The following BCL2 variants were observed in gnomAD, a reference collection of about 807,000 sequenced individuals.
BCL2 encodes the protein BCL2 apoptosis regulator, also known as apoptosis regulator Bcl-2.
Under a neutral mutation model 14.2 loss-of-function variants are expected in BCL2, and 1 was observed. The ratio of observed to expected loss-of-function variants is 0.07; its 90% CI spans 0.02 to 0.33. BCL2 has a LOEUF of 0.33. Ranked by LOEUF, BCL2 falls within the 10% of genes least tolerant of loss-of-function variation. The pLI is 0.99. For missense variants in BCL2, 247 were observed against 305.9 expected (o/e 0.81, Z 1.44); for synonymous variants, 151 against 137.2 (o/e 1.10, Z -0.70).
At chr18:63,298,565 G>C (rs2144279183) in intron 2 of BCL2, among the ~76,000 whole-genome samples, 1 of 152,284 alleles carries the variant, frequency 6.6e-6, no homozygotes, top group Middle Eastern at 3.4e-3. Flanking sequence ...ATGGCCAAGG[G>C]AACAAGGTAA....
chr18:63,274,781 C>T (rs2144245253), intron 2 of BCL2, among the ~76,000 whole-genome samples: 1 of 152,246 alleles, frequency 6.6e-6, no homozygotes, highest in East Asian at 1.9e-4. Flanking sequence ...AACCCACCTT[C>T]CCCCAAATGA....
At chr18:63,167,937 A>AG in intron 2 of BCL2, among the ~76,000 whole-genome samples, 1 of 151,476 alleles carries the variant, frequency 6.6e-6, no homozygotes, top group East Asian at 2.0e-4. Context: ...AAAAAAAAAA[A>AG]AAATAAATAA....
At chr18:63,279,495 G>T (rs900241166) in intron 2 of BCL2, among the ~76,000 whole-genome samples, 3 of 152,204 alleles carry the variant, frequency 2.0e-5, no homozygotes, top group Admixed American at 2.0e-4. Flanking sequence ...ATGCCAGAAT[G>T]GCTAAAATTA....
chr18:63,169,389 T>TTCTC (rs1218834455), intron 2 of BCL2, among the ~76,000 whole-genome samples: 34 of 40,740 alleles, frequency 8.3e-4, no homozygotes, highest in East Asian at 1.4e-3. Context: ...CTTTCTTTCT[T>TTCTC]TTTCTTTCTT....
At chr18:63,229,239 A>G (rs1299753840) in intron 2 of BCL2, among the ~76,000 whole-genome samples, 2 of 152,210 alleles carry the variant, frequency 1.3e-5, no homozygotes, top group Non-Finnish European at 2.9e-5. Context: ...AAAATAGAAG[A>G]AAATCATTTT....
chr18:63,157,839 A>G (rs748912652), intron 2 of BCL2, among the ~76,000 whole-genome samples: 1 of 152,212 alleles, frequency 6.6e-6, no homozygotes, highest in Non-Finnish European at 1.5e-5. Context: ...TTGACAGAGA[A>G]ACAAATACCG....
Position 63,171,266 on chromosome 18 carries a change from T to C in BCL2, c.586-42507A>G, listed in dbSNP as rs116678928. 2.3e-3 allele frequency among the ~76,000 whole-genome samples: 346 copies of C among 152,344 alleles called. 2 individuals are homozygous for C. The highest frequency in any genetic ancestry group is 0.017 in the Middle Eastern group (5 of 294). On this transcript the variant is annotated intron_variant, in intron 2 of 2. Coordinates refer to ENST00000333681, the MANE Select transcript of BCL2 (RefSeq NM_000633.3). The stretch of plus-strand genomic sequence containing the variant: ...AGAAAAAAAACAAAAACCAACACCT[T>C]AATTTCTAAGATCTGGCCTTTTAAC...
At chr18:63,254,229 A>G (rs956976483) in intron 2 of BCL2, among the ~76,000 whole-genome samples, 3 of 151,948 alleles carry the variant, frequency 2.0e-5, no homozygotes, top group African/African-American at 7.3e-5. Flanking sequence ...ACTGGACAAA[A>G]CCAAAAATGT....
At chr18:63,269,334 C>A (rs1162978323) in intron 2 of BCL2, among the ~76,000 whole-genome samples, 2 of 151,908 alleles carry the variant, frequency 1.3e-5, no homozygotes, top group East Asian at 3.8e-4. Flanking sequence ...AAGAAATGGG[C>A]AATTTATTTT....
chr18:63,157,720 A>T (rs752426896), intron 2 of BCL2, among the ~76,000 whole-genome samples: 9 of 152,174 alleles, frequency 5.9e-5, no homozygotes, highest in African/African-American at 9.7e-5. Context: ...TGAGAAGCAG[A>T]CCTTCCTCCT....
At chr18:63,132,115 A>AG (rs999746069) in intron 2 of BCL2, among the ~76,000 whole-genome samples, 3 of 152,224 alleles carry the variant, frequency 2.0e-5, no homozygotes, top group African/African-American at 7.2e-5. Flanking sequence ...TTGCCATCCC[A>AG]GGGGGCTGAG....
chr18:63,181,367 G>A (rs999085522), intron 2 of BCL2, among the ~76,000 whole-genome samples: 4 of 152,178 alleles, frequency 2.6e-5, no homozygotes, highest in Non-Finnish European at 4.4e-5. Context: ...GCCCTGGAAG[G>A]CAGTAAAGCT....
At chr18:63,242,635 T>A (rs1911040045) in intron 2 of BCL2, among the ~76,000 whole-genome samples, 1 of 152,136 alleles carries the variant, frequency 6.6e-6, no homozygotes, top group African/African-American at 2.4e-5. Context: ...TCTCTCCTCA[T>A]TAAAACATCC....
chr18:63,267,878 C>G (rs952583411), intron 2 of BCL2, among the ~76,000 whole-genome samples: 1 of 152,130 alleles, frequency 6.6e-6, no homozygotes, highest in Non-Finnish European at 1.5e-5. Context: ...TCTTCCTTCC[C>G]TTTCCTTCTC....
chr18:63,270,023 C>T lies in BCL2; in HGVS notation c.585+48059G>A, dbSNP rs374564102. ...AATTTATCTTTTTTCCTTTAAAGTG[C>T]TCATTATACTCAACATCACTCAAAA... On this transcript the variant is annotated intron_variant, in intron 2 of 2. Coordinates refer to ENST00000333681, the MANE Select transcript of BCL2 (RefSeq NM_000633.3). Among the ~76,000 whole-genome samples, 156 of 152,110 alleles carry T rather than the reference C, an allele frequency of 1.0e-3. 3 individuals are homozygous for T. In the South Asian group the frequency reaches 0.03, roughly 30 times the overall value.
chr18:63,170,749 T>C (rs1168878241), intron 2 of BCL2, among the ~76,000 whole-genome samples: 1 of 152,238 alleles, frequency 6.6e-6, no homozygotes, highest in African/African-American at 2.4e-5. Context: ...CGTACTTCTA[T>C]TTTGCACATA....
intron 2 of BCL2, among the ~76,000 whole-genome samples, chr18:63,189,869 T>A (rs1443391901): frequency 6.6e-6 from 1 of 152,216 alleles, no homozygotes; most frequent in African/African-American, 2.4e-5. Flanking sequence ...TTAGAAGAGA[T>A]AAATATGTGT....
chr18:63,186,967 GTCT>G (rs975993982), intron 2 of BCL2, among the ~76,000 whole-genome samples: 3 of 152,178 alleles, frequency 2.0e-5, no homozygotes, highest in African/African-American at 7.2e-5. Flanking sequence ...GTTTTCTTTT[GTCT>G]TCTTTTCATG....
At position 63,261,109 on chromosome 18, in the gene BCL2, G is replaced by A. The variant is rs191359245; in HGVS notation, c.585+56973C>T. On this transcript the variant is annotated intron_variant, in intron 2 of 2. Coordinates refer to ENST00000333681, the MANE Select transcript of BCL2 (RefSeq NM_000633.3). ...CTCAGAGAGGGTATTTTTTATTTCT[G>A]CTTGACTTTGTCCATAGAGTGATTT... is the stretch of plus-strand genomic sequence containing the variant. Among the ~76,000 whole-genome samples, 643 of 152,240 alleles carry A rather than the reference G, an allele frequency of 4.2e-3. 5 individuals carry two copies. The highest frequency in any genetic ancestry group is 0.015 in the African/African-American group (617 of 41,546).
Sources: allele counts gnomAD v4.1 joint callset (sites outside exome capture counted in the v4.1 genomes callset), GRCh38; gene constraint gnomAD v4.1.1; transcripts MANE v1.5; gene names NCBI Gene and HGNC (gene_info 2026-07-23, HGNC 2026-07-21).